The following KREMEN1 variants were observed in gnomAD, a reference collection of about 807,000 sequenced individuals.
KREMEN1 encodes kringle containing transmembrane protein 1, also known as kremen protein 1.
In KREMEN1, 30 loss-of-function variants were observed where a neutral mutation model predicts 46.5. That is an observed-to-expected ratio of 0.65 (90% CI 0.48 to 0.88). The LOEUF is 0.88. KREMEN1 is among the 40% of genes least tolerant of loss of function. The pLI, the probability that KREMEN1 is intolerant of heterozygous loss-of-function variation, is 0.00. For missense variants in KREMEN1, 533 were observed against 596.9 expected (o/e 0.89, Z 1.11); for synonymous variants, 214 against 230.6 (o/e 0.93, Z 0.65).
chr22:29,095,606 C>T (rs2037872088), intron 2 of KREMEN1, among the ~76,000 whole-genome samples: 3 of 152,194 alleles, frequency 2.0e-5, no homozygotes, highest in Admixed American at 2.0e-4. Flanking sequence ...CCTGGTTCTA[C>T]ATACATTGGA....
chr22:29,095,637 GA>G (rs1230566815), intron 2 of KREMEN1, among the ~76,000 whole-genome samples: 1 of 152,186 alleles, frequency 6.6e-6, no homozygotes, highest in Non-Finnish European at 1.5e-5. Flanking sequence ...TGGCACTGTT[GA>G]CGCAGCTGAG....
intron 1 of KREMEN1, among the ~76,000 whole-genome samples, chr22:29,089,852 A>T (rs2037781256): frequency 6.6e-6 from 1 of 152,180 alleles, no homozygotes; most frequent in Non-Finnish European, 1.5e-5. Context: ...ACCCTCTGCC[A>T]GTTACACACC....
chr22:29,073,892 C>T lies in KREMEN1; in HGVS notation c.97+665C>T, dbSNP rs2037519846. On this transcript the variant is annotated intron_variant, in intron 1 of 8. Transcript: ENST00000400335. The surrounding 1 kb of genome is among the most constrained non-coding windows in gnomAD (Gnocchi z 4.4). ...ATCGACGCACCTTGCACCGGGACGA[C>T]TCCCCCGCTACAAGAGGCTATACGC... Among the ~76,000 whole-genome samples, 1 of 152,180 alleles carries T rather than the reference C, an allele frequency of 6.6e-6. No individual in the cohort carries two copies. The highest frequency in any genetic ancestry group is 6.5e-5 in the Admixed American group (1 of 15,290).
At chr22:29,162,559 A>T (rs186223152) in intron 9 of KREMEN1, among the ~76,000 whole-genome samples, 214 of 152,224 alleles carry the variant, frequency 1.4e-3, no homozygotes, top group African/African-American at 4.9e-3. Context: ...TCCACTAAAA[A>T]TACAGAAAAT....
chr22:29,151,846 C>T (rs988726349), intron 9 of KREMEN1, among the ~76,000 whole-genome samples: 1 of 151,852 alleles, frequency 6.6e-6, no homozygotes, highest in Non-Finnish European at 1.5e-5. Flanking sequence ...CCTGTCTCTA[C>T]TAAAAATATA....
At chr22:29,088,940 G>C (rs73154228) in intron 1 of KREMEN1, among the ~76,000 whole-genome samples, 1 of 152,098 alleles carries the variant, frequency 6.6e-6, no homozygotes, top group Non-Finnish European at 1.5e-5. Flanking sequence ...ATTGTTGCTA[G>C]AAGTTGTGTG....
intron 5 of KREMEN1, among the ~76,000 whole-genome samples, chr22:29,135,144 T>C (rs1308103913): frequency 6.6e-6 from 1 of 152,158 alleles, no homozygotes; most frequent in Non-Finnish European, 1.5e-5. Flanking sequence ...CCAGGAGTAG[T>C]AGAGCTCTGC....
chr22:29,166,199 G>A (rs142762995), intron 9 of KREMEN1, among the ~76,000 whole-genome samples: 119 of 150,662 alleles, frequency 7.9e-4, no homozygotes, highest in African/African-American at 2.8e-3. Context: ...CCTCCTAGTC[G>A]TCTGCTTCTG....
intron 9 of KREMEN1, among the ~76,000 whole-genome samples, chr22:29,159,128 T>TG (rs572934630): frequency 0.79 from 94,221 of 119,918 alleles, 37,107 homozygotes; most frequent in East Asian, 0.97. Flanking sequence ...CCAAGTGTTT[T>TG]TTTTTTTTTT....
intron 5 of KREMEN1, among the ~76,000 whole-genome samples, chr22:29,130,344 C>T (rs986371269): frequency 6.6e-6 from 1 of 152,172 alleles, no homozygotes; most frequent in Non-Finnish European, 1.5e-5. Context: ...ACTGTGTTAG[C>T]AATTGCATTT....
At chr22:29,121,111 T>TA (rs2038349508) in intron 3 of KREMEN1, among the ~76,000 whole-genome samples, 1 of 151,902 alleles carries the variant, frequency 6.6e-6, no homozygotes, top group East Asian at 1.9e-4. Context: ...TTTTTTTTTT[T>TA]TAAATACGTA....
chr22:29,119,537 G>C lies in KREMEN1; in HGVS notation c.353-1820G>C, dbSNP rs116711400. Among the ~76,000 whole-genome samples the C allele has an allele frequency of 2.3e-3, 355 of 152,266 alleles. 3 individuals carry two copies. Among genetic ancestry groups the C allele is most frequent in the African/African-American group, 8.3e-3 (344 of 41,544 alleles). On this transcript the variant is annotated intron_variant, in intron 3 of 8. Transcript: ENST00000400335. ...GAAGCTATCCAGGAGCCTACCAAGA[G>C]TTGCCTCATTAGAACAAAAGATGCT...
At chr22:29,113,598 T>C (rs1382965287) in intron 3 of KREMEN1, among the ~76,000 whole-genome samples, 1 of 152,230 alleles carries the variant, frequency 6.6e-6, no homozygotes, top group Non-Finnish European at 1.5e-5. Context: ...CCCTTTGAGG[T>C]CCGTATTGAT....
chr22:29,132,213 A>G (rs957769901), intron 5 of KREMEN1, among the ~76,000 whole-genome samples: 1 of 152,138 alleles, frequency 6.6e-6, no homozygotes, highest in Non-Finnish European at 1.5e-5. Flanking sequence ...TGCCTGTATC[A>G]GTAGTTTTTT....
At chr22:29,094,777 A>C (rs1004640783) in intron 2 of KREMEN1, among the ~76,000 whole-genome samples, 6 of 151,840 alleles carry the variant, frequency 4.0e-5, no homozygotes, top group African/African-American at 1.2e-4. Context: ...GCGCCCGCCA[A>C]CACGCCCGGC....
chr22:29,136,556 C>G (rs1001666047), intron 5 of KREMEN1, among the ~76,000 whole-genome samples: 1 of 146,818 alleles, frequency 6.8e-6, no homozygotes, highest in Non-Finnish European at 1.5e-5. Context: ...GCCTGGGAGA[C>G]AGACGGAGAC....
downstream of KREMEN1, among the ~76,000 whole-genome samples, chr22:29,151,813 T>C (rs564463729): frequency 2.0e-5 from 3 of 152,074 alleles, no homozygotes; most frequent in African/African-American, 7.2e-5. Context: ...AGTTTGAGAC[T>C]AGCCTGGCCA....
chr22:29,101,975 C>T (rs1055743257), intron 3 of KREMEN1, among the ~76,000 whole-genome samples: 1 of 152,170 alleles, frequency 6.6e-6, no homozygotes, highest in South Asian at 2.1e-4. Flanking sequence ...AAAGCAAGAT[C>T]TGCTTCTATA....
At position 29,144,688 on chromosome 22, in the gene KREMEN1, G is replaced by A; in HGVS notation, c.*2576G>A. The A allele has an allele frequency of 1.0e-6, 1 of 985,548 alleles. No homozygotes were observed. Among genetic ancestry groups the A allele is most frequent in the Non-Finnish European group, 1.2e-6 (1 of 829,978 alleles). The allele number at this position is 985,548 out of a possible 1,614,324, so 61.1% of individuals were successfully genotyped here. On this transcript the variant is annotated 3_prime_UTR_variant, in exon 9 of 9. Transcript: ENST00000400335. Reference sequence around the variant, plus strand: ...TCCATGTGCAGCACAAAGGGAATGTGGCACGTGGCCCCAGGAAGAGTTCAC... The same window carrying A: ...TCCATGTGCAGCACAAAGGGAATGTAGCACGTGGCCCCAGGAAGAGTTCAC...
Sources: allele counts gnomAD v4.1 joint callset (sites outside exome capture counted in the v4.1 genomes callset), GRCh38; gene constraint gnomAD v4.1.1; non-coding constraint Gnocchi (gnomAD v3.1); transcripts MANE v1.5; gene names NCBI Gene and HGNC (gene_info 2026-07-23, HGNC 2026-07-21).